XYLT1: variants seen among roughly 807,000 people sequenced by gnomAD.
XYLT1 encodes the protein xylosyltransferase 1.
In XYLT1, 36 loss-of-function variants were observed where a neutral mutation model predicts 91.3. The observed-to-expected ratio is 0.39, with a 90% CI of 0.30 to 0.52. XYLT1 has a LOEUF of 0.52. Among genes scored for constraint, XYLT1 ranks in the 20% least tolerant of loss-of-function variants. The pLI is 0.68. For synonymous variants in XYLT1, 588 were observed against 532.0 expected (o/e 1.11, Z -1.45); for missense variants, 1,242 against 1,284.5 (o/e 0.97, Z 0.51).
At chr16:17,289,483 C>T (rs774511056) in intron 2 of XYLT1, among the ~76,000 whole-genome samples, 15 of 152,180 alleles carry the variant, frequency 9.9e-5, no homozygotes, top group Non-Finnish European at 1.6e-4. Context: ...GTTTCCCCAG[C>T]GTAAGTGTGT....
intron 1 of XYLT1, among the ~76,000 whole-genome samples, chr16:17,387,402 C>G (rs551321207): frequency 6.6e-6 from 1 of 152,158 alleles, no homozygotes; most frequent in Non-Finnish European, 1.5e-5. Context: ...TTCGCCACCC[C>G]CCACCTCCCT....
intron 3 of XYLT1, among the ~76,000 whole-genome samples, chr16:17,215,039 G>T (rs894320802): frequency 1.3e-5 from 2 of 152,174 alleles, no homozygotes; most frequent in Non-Finnish European, 2.9e-5. Context: ...TGGAGATGTG[G>T]CCTTTAAGGA....
chr16:17,201,107 A>G (rs1047025460), intron 3 of XYLT1, among the ~76,000 whole-genome samples: 1 of 152,192 alleles, frequency 6.6e-6, no homozygotes, highest in Non-Finnish European at 1.5e-5. Flanking sequence ...CGGTGGTAAG[A>G]ACAGATAGCA....
intron 3 of XYLT1, among the ~76,000 whole-genome samples, chr16:17,242,337 T>C (rs2033359483): frequency 6.6e-6 from 1 of 152,242 alleles, no homozygotes; most frequent in South Asian, 2.1e-4. Flanking sequence ...CCTTCTACTC[T>C]GCAAAACCTG....
At chr16:17,178,138 G>A (rs2031985277) in intron 5 of XYLT1, among the ~76,000 whole-genome samples, 2 of 152,140 alleles carry the variant, frequency 1.3e-5, no homozygotes, top group South Asian at 4.1e-4. Context: ...GATAGCCATG[G>A]AGGACTGTCT....
chr16:17,102,861 A>G lies in XYLT1; in HGVS notation c.*5834T>C, dbSNP rs941261021. The G allele has an allele frequency of 1.3e-5, 2 of 152,576 alleles. No homozygotes were observed. The highest frequency in any genetic ancestry group is 2.9e-5 in the Non-Finnish European group (2 of 68,036). The allele number at this position is 152,576 out of a possible 1,614,324, so 9.5% of individuals were successfully genotyped here. On this transcript the variant is annotated 3_prime_UTR_variant, in exon 12 of 12. Coordinates refer to ENST00000261381, the MANE Select transcript of XYLT1 (RefSeq NM_022166.4). ...AGTTATTTTTAAAAACTATATCACC[A>G]CATGTCTTTGAAAACAATGAAGGGG...
intron 1 of XYLT1, among the ~76,000 whole-genome samples, chr16:17,366,755 A>C (rs2035460796): frequency 6.6e-6 from 1 of 152,154 alleles, no homozygotes; most frequent in Non-Finnish European, 1.5e-5. Context: ...AGGCACCAAA[A>C]GCCCCATTTT....
intron 5 of XYLT1, among the ~76,000 whole-genome samples, chr16:17,176,681 A>G (rs1419640902): frequency 6.6e-6 from 1 of 152,216 alleles, no homozygotes. Context: ...GCTGCAGAAA[A>G]GCTCAACACC....
At chr16:17,324,277 A>G (rs2034767568) in intron 2 of XYLT1, among the ~76,000 whole-genome samples, 1 of 152,246 alleles carries the variant, frequency 6.6e-6, no homozygotes, top group East Asian at 1.9e-4. Flanking sequence ...GGGAGCAGCA[A>G]GAAGGGACAG....
At chr16:17,225,721 C>A (rs572174433) in intron 3 of XYLT1, among the ~76,000 whole-genome samples, 1 of 152,182 alleles carries the variant, frequency 6.6e-6, no homozygotes, top group Non-Finnish European at 1.5e-5. Context: ...CAATTAACAC[C>A]GGTTCTTTTG....
chr16:17,219,296 A>AAG (rs1555488532), intron 3 of XYLT1, among the ~76,000 whole-genome samples: 12 of 137,868 alleles, frequency 8.7e-5, no homozygotes, highest in Non-Finnish European at 1.3e-4. Flanking sequence ...AAAAAAAAAA[A>AAG]AAAAAGAAAA....
rs139140676 is a variant in XYLT1 at position 17,157,178 on chromosome 16, C to T, written c.1370+1651G>A. On this transcript the variant is annotated intron_variant, in intron 6 of 11. Coordinates refer to ENST00000261381, the MANE Select transcript of XYLT1 (RefSeq NM_022166.4). ...GGCCAGGCTGGCCTCGAACTCCAGA[C>T]CTCAGGTGATCCGCCTGCCTCACCC... 4.8e-3 allele frequency among the ~76,000 whole-genome samples: 738 copies of T among 152,214 alleles called. 6 individuals are homozygous for T. Among genetic ancestry groups the T allele is most frequent in the African/African-American group, 0.017 (703 of 41,530 alleles).
At chr16:17,348,975 G>A (rs949023122) in intron 2 of XYLT1, among the ~76,000 whole-genome samples, 18 of 152,252 alleles carry the variant, frequency 1.2e-4, no homozygotes, top group African/African-American at 4.3e-4. Context: ...TGCAAAACCA[G>A]CCACACTGCC....
intron 2 of XYLT1, among the ~76,000 whole-genome samples, chr16:17,345,473 G>A (rs1400888778): frequency 1.3e-5 from 2 of 152,228 alleles, no homozygotes; most frequent in African/African-American, 4.8e-5. Context: ...AGGCTGGAGA[G>A]CCTCTGCTCC....
At chr16:17,276,075 T>C (rs897095868) in intron 2 of XYLT1, among the ~76,000 whole-genome samples, 1 of 152,108 alleles carries the variant, frequency 6.6e-6, no homozygotes, top group Non-Finnish European at 1.5e-5. Context: ...GAGAAAGAAA[T>C]AGGCTCCTAA....
intron 1 of XYLT1, among the ~76,000 whole-genome samples, chr16:17,424,474 T>C (rs969006427): frequency 8.6e-5 from 13 of 152,034 alleles, no homozygotes; most frequent in African/African-American, 2.9e-4. Flanking sequence ...ATAGCTTAGG[T>C]TGAGCTAAGT....
chr16:17,304,012 T>C (rs548898529), intron 2 of XYLT1, among the ~76,000 whole-genome samples: 8 of 152,254 alleles, frequency 5.3e-5, no homozygotes, highest in Admixed American at 5.2e-4. Context: ...TGTGTGTGTG[T>C]GTGTACAGGT....
intron 1 of XYLT1, among the ~76,000 whole-genome samples, chr16:17,415,379 A>G (rs2036167734): frequency 6.6e-6 from 1 of 152,198 alleles, no homozygotes; most frequent in Non-Finnish European, 1.5e-5. Flanking sequence ...GAAAGAGGTC[A>G]TTGAGGGGTA....
Position 17,373,449 on chromosome 16 carries a change from C to A in XYLT1, c.364-15399G>T, listed in dbSNP as rs550750026. ...GAAACTGAGGCTTCAGACAATTCTA[C>A]AGCCACAAAACTTGTGAATAAAACA... On this transcript the variant is annotated intron_variant, in intron 1 of 11. Transcript: ENST00000261381. 7.2e-5 allele frequency among the ~76,000 whole-genome samples: 11 copies of A among 152,368 alleles called. No homozygotes were observed. In the South Asian group the frequency reaches 2.1e-3, roughly 29 times the overall value.
Sources: gnomAD v4.1 joint callset for allele counts (sites outside exome capture counted in the v4.1 genomes callset) on GRCh38, gnomAD v4.1.1 for gene constraint, MANE v1.5 for transcripts, NCBI Gene and HGNC (gene_info 2026-07-23, HGNC 2026-07-21) for gene names.